Variants in DLG2 observed in about 807,000 individuals in gnomAD.
The protein encoded by DLG2 is discs large MAGUK scaffold protein 2, also known as disks large homolog 2.
In DLG2, 45 loss-of-function variants were observed where a neutral mutation model predicts 132.5. The ratio of observed to expected loss-of-function variants is 0.34; its 90% CI spans 0.27 to 0.44. DLG2 has a LOEUF of 0.44. Ranked by LOEUF, DLG2 falls within the 20% of genes least tolerant of loss-of-function variation. The pLI is 1.00. For missense variants in DLG2, 1,045 were observed against 1,196.9 expected (o/e 0.87, Z 1.87); for synonymous variants, 424 against 419.6 (o/e 1.01, Z -0.13).
intron 2 of DLG2, among the ~76,000 whole-genome samples, chr11:85,608,573 C>T (rs1401408019): frequency 6.6e-6 from 1 of 152,142 alleles, no homozygotes; most frequent in African/African-American, 2.4e-5. Context: ...CTCCCTACAG[C>T]TCCCCTTCCC....
At chr11:83,815,064 T>C (rs1028214862) in intron 17 of DLG2, 7 of 153,796 alleles carry the variant, frequency 4.6e-5, no homozygotes, top group African/African-American at 1.7e-4. Flanking sequence ...GCAGCAGGAC[T>C]ATATTGAGTA....
chr11:84,801,352 G>A (rs1031989072), intron 6 of DLG2, among the ~76,000 whole-genome samples: 2 of 152,094 alleles, frequency 1.3e-5, no homozygotes, highest in Admixed American at 6.5e-5. Flanking sequence ...GGCGGATCAC[G>A]AGGTCAGGAG....
chr11:83,501,966 A>C (rs1437982959), intron 21 of DLG2, among the ~76,000 whole-genome samples: 3 of 152,126 alleles, frequency 2.0e-5, no homozygotes, highest in African/African-American at 4.8e-5. Flanking sequence ...AAGGAGGAGG[A>C]TCTTATCTTA....
chr11:85,188,137 T>G (rs1176775343), intron 4 of DLG2, among the ~76,000 whole-genome samples: 1 of 152,136 alleles, frequency 6.6e-6, no homozygotes, highest in Non-Finnish European at 1.5e-5. Context: ...GCTTGTAAAC[T>G]ACTTGAACTA....
intron 6 of DLG2, among the ~76,000 whole-genome samples, chr11:84,578,544 G>A (rs1331261785): frequency 6.6e-6 from 1 of 152,098 alleles, no homozygotes; most frequent in Non-Finnish European, 1.5e-5. Context: ...GATTTGCATG[G>A]GCCCTGTAAC....
intron 9 of DLG2, among the ~76,000 whole-genome samples, chr11:84,122,643 T>G (rs1044865665): frequency 1.3e-5 from 2 of 152,220 alleles, no homozygotes; most frequent in Non-Finnish European, 2.9e-5. Flanking sequence ...CAGCACATAT[T>G]AGAGGCTTAA....
chr11:83,837,723 CAA>C (rs386374350), intron 16 of DLG2, among the ~76,000 whole-genome samples: 1 of 45,952 alleles, frequency 2.2e-5, no homozygotes, highest in African/African-American at 9.7e-5. Context: ...ACATAGCAAG[CAA>C]AAAAAAAAAA....
intron 18 of DLG2, among the ~76,000 whole-genome samples, chr11:83,703,951 G>A (rs904252752): frequency 7.2e-5 from 11 of 152,016 alleles, no homozygotes; most frequent in Non-Finnish European, 1.6e-4. Context: ...ACATGAAGAA[G>A]TGCCCACAAA....
chr11:85,436,009 A>G (rs554876249), intron 3 of DLG2, among the ~76,000 whole-genome samples: 2 of 152,278 alleles, frequency 1.3e-5, no homozygotes, highest in African/African-American at 4.8e-5. Context: ...ATAACACCAC[A>G]CATTTACAAC....
At chr11:84,157,056 T>C (rs1426268159) in intron 9 of DLG2, among the ~76,000 whole-genome samples, 2 of 152,164 alleles carry the variant, frequency 1.3e-5, no homozygotes, top group Non-Finnish European at 2.9e-5. Flanking sequence ...CTTTAGCTAT[T>C]TTTAATAATA....
intron 6 of DLG2, among the ~76,000 whole-genome samples, chr11:84,837,605 A>G (rs939559368): frequency 6.6e-6 from 1 of 151,800 alleles, no homozygotes; most frequent in Non-Finnish European, 1.5e-5. Context: ...CCATTGTGTG[A>G]TTTTATGATT....
At chr11:85,337,142 C>T (rs2082188707) in intron 3 of DLG2, among the ~76,000 whole-genome samples, 1 of 152,182 alleles carries the variant, frequency 6.6e-6, no homozygotes, top group Admixed American at 6.5e-5. Context: ...AATATGTGAG[C>T]CTAAACTATT....
intron 11 of DLG2, among the ~76,000 whole-genome samples, chr11:84,053,068 G>A (rs1253637795): frequency 1.3e-5 from 2 of 151,994 alleles, no homozygotes; most frequent in African/African-American, 4.8e-5. Context: ...ATACACCATG[G>A]AATACTATGC....
intron 7 of DLG2, among the ~76,000 whole-genome samples, chr11:84,450,060 G>T (rs2099047138): frequency 6.6e-6 from 1 of 151,812 alleles, no homozygotes; most frequent in African/African-American, 2.4e-5. Context: ...ACCTGAGTCA[G>T]ATAATATCAA....
At chr11:83,699,716 AAC>A (rs2082548875) in intron 18 of DLG2, among the ~76,000 whole-genome samples, 1 of 141,986 alleles carries the variant, frequency 7.0e-6, no homozygotes, top group African/African-American at 2.8e-5. Flanking sequence ...TCTAAAAAAA[AAC>A]ATAATAATAA....
At chr11:85,004,489 C>T (rs565375686) in intron 6 of DLG2, among the ~76,000 whole-genome samples, 15 of 152,074 alleles carry the variant, frequency 9.9e-5, no homozygotes, top group African/African-American at 2.7e-4. Context: ...GGCTTTTTTT[C>T]GTATGTTTGT....
intron 6 of DLG2, among the ~76,000 whole-genome samples, chr11:84,560,870 A>G (rs1241850449): frequency 6.6e-6 from 1 of 152,124 alleles, no homozygotes; most frequent in Non-Finnish European, 1.5e-5. Context: ...CGCTTTTACA[A>G]TGTGACTTGA....
chr11:83,840,192 G>A (rs1770202386), intron 16 of DLG2, among the ~76,000 whole-genome samples: 1 of 152,116 alleles, frequency 6.6e-6, no homozygotes, highest in African/African-American at 2.4e-5. Flanking sequence ...TCCACACTGT[G>A]TCTTCCACAC....
In DLG2 at chr11:83,498,004, A is replaced by G. The variant is rs547743571; in HGVS notation, c.2194-13776T>C. On this transcript the variant is annotated intron_variant, in intron 21 of 27. Coordinates refer to ENST00000376104, the MANE Select transcript of DLG2 (RefSeq NM_001142699.3). Reference sequence around the variant, plus strand: ...AAAGGGAATTGAGGAAAAAGTTATCATCTTATTACAGAGATACAAATATCC... The same window carrying G: ...AAAGGGAATTGAGGAAAAAGTTATCGTCTTATTACAGAGATACAAATATCC... Among the ~76,000 whole-genome samples, 66 of 152,020 alleles carry G rather than the reference A, an allele frequency of 4.3e-4. 3 individuals are homozygous for G. The highest frequency in any genetic ancestry group is 1.5e-3 in the African/African-American group (64 of 41,488).
Sources: gnomAD v4.1 joint callset for allele counts (sites outside exome capture counted in the v4.1 genomes callset) on GRCh38, gnomAD v4.1.1 for gene constraint, MANE v1.5 for transcripts, NCBI Gene and HGNC (gene_info 2026-07-23, HGNC 2026-07-21) for gene names.